Variants in UBA6 observed in about 807,000 individuals in gnomAD.
UBA6 encodes the protein ubiquitin-like modifier-activating enzyme 6.
UBA6 carries 87 observed loss-of-function variants against 148.3 expected under a neutral mutation model. The ratio of observed to expected loss-of-function variants is 0.59; its 90% CI spans 0.49 to 0.70. The LOEUF (loss-of-function observed/expected upper bound fraction) is 0.70. Ranked by LOEUF, UBA6 falls within the 30% of genes least tolerant of loss-of-function variation. The pLI, the probability that UBA6 is intolerant of heterozygous loss-of-function variation, is 0.00. For synonymous variants in UBA6, 376 were observed against 401.0 expected (o/e 0.94, Z 0.75); for missense variants, 1,186 against 1,241.2 (o/e 0.96, Z 0.67).
At chr4:67,693,317 T>C (rs1730739704) in intron 2 of UBA6, among the ~76,000 whole-genome samples, 1 of 149,672 alleles carries the variant, frequency 6.7e-6, no homozygotes. Context: ...GCTTACTTTA[T>C]TCTAAGAATA....
At position 67,663,865 on chromosome 4, in the gene UBA6, C is replaced by A; in HGVS notation, c.960+20G>T. 1 of 1,609,460 alleles carries A rather than the reference C, an allele frequency of 6.2e-7. No homozygotes were observed. Among genetic ancestry groups the A allele is most frequent in the Non-Finnish European group, 8.5e-7 (1 of 1,176,016 alleles). On this transcript the variant is annotated intron_variant, in intron 11 of 32. Coordinates refer to ENST00000322244, the MANE Select transcript of UBA6 (RefSeq NM_018227.6). ...CTCTGATTCTGCTGCCTCTCTCAAA[C>A]CTGCAAAGTGTTTATTTACCTCAGG...
At chr4:67,687,087 C>A (rs1730589973) in intron 2 of UBA6, among the ~76,000 whole-genome samples, 1 of 128,022 alleles carries the variant, frequency 7.8e-6, no homozygotes, top group Admixed American at 8.7e-5. Flanking sequence ...CCAGGCTGGA[C>A]TGCAGTGGTG....
At chr4:67,637,426 T>C (rs868631213) in intron 19 of UBA6, among the ~76,000 whole-genome samples, 43 of 151,628 alleles carry the variant, frequency 2.8e-4, no homozygotes, top group African/African-American at 9.4e-4. Flanking sequence ...CCACCCCGTC[T>C]GGGAGGTGTA....
chr4:67,630,553 T>C lies in UBA6; in HGVS notation c.2259-18A>G. ...TGAGGTGCCTTTTGAAATTAAAAAA[T>C]AAAGCAAAATTTGAATGTACAGTTT... is the stretch of plus-strand genomic sequence containing the variant. On this transcript the variant is annotated intron_variant, in intron 25 of 32. Coordinates refer to ENST00000322244, the MANE Select transcript of UBA6 (RefSeq NM_018227.6). 1.3e-6 allele frequency: 2 copies of C among 1,532,714 alleles called. No homozygotes were observed. Among genetic ancestry groups the C allele is most frequent in the Admixed American group, 2.0e-5 (1 of 51,138 alleles). The allele number at this position is 1,532,714 out of a possible 1,614,324, so 94.9% of individuals were successfully genotyped here.
chr4:67,647,469 G>C (rs780261058), intron 14 of UBA6, among the ~76,000 whole-genome samples: 24 of 151,894 alleles, frequency 1.6e-4, no homozygotes, highest in Non-Finnish European at 2.9e-4. Flanking sequence ...TTTTTGAGAA[G>C]AAAGTACCTA....
chr4:67,631,665 A>G (rs1441088603), intron 25 of UBA6, 43 bp downstream of exon 25: 1 of 1,425,388 alleles, frequency 7.0e-7, no homozygotes. Flanking sequence ...ACAGTAAAGA[A>G]ATATATAATG....
chr4:67,682,024 T>C, intron 3 of UBA6, 95 bp downstream of exon 3: 1 of 899,992 alleles, frequency 1.1e-6, no homozygotes, highest in Non-Finnish European at 1.8e-6. Context: ...GGATCTAACT[T>C]CCTTTATAGG....
intron 13 of UBA6, among the ~76,000 whole-genome samples, chr4:67,658,305 T>C (rs961195365): frequency 1.3e-5 from 2 of 152,114 alleles, no homozygotes; most frequent in Non-Finnish European, 2.9e-5. Context: ...GGTAGGTATA[T>C]AAGAGAAACA....
chr4:67,650,797 A>G (rs1729537086), intron 13 of UBA6, among the ~76,000 whole-genome samples: 1 of 152,208 alleles, frequency 6.6e-6, no homozygotes, highest in African/African-American at 2.4e-5. Context: ...GATGAGAGGT[A>G]TAAAACTGGT....
Position 67,635,544 on chromosome 4 carries a change from T to A in UBA6, c.1751A>T (p.Asn584Ile). 6.2e-7 allele frequency: 1 copy of A among 1,611,172 alleles called. No individual in the cohort carries two copies. The highest frequency in any genetic ancestry group is 8.5e-7 in the Non-Finnish European group (1 of 1,177,674). ...TCCAGAATCTAAAAGAGGCCTTAGA[T>A]TTGCTAAGCAACGACTATTTGAAAA... is the stretch of plus-strand genomic sequence containing the variant. ...RRYVDSRCLA[N>I]LRPLLDSGTM... The change falls in exon 20 of 33, where the codon AAT (asparagine) becomes ATT (isoleucine). Residue 584 changes from asparagine to isoleucine, a missense_variant. Asn to Ile is a moderately radical substitution (Grantham distance 149). Transcript: ENST00000322244.
chr4:67,655,686 G>C (rs1729672576), intron 13 of UBA6, among the ~76,000 whole-genome samples: 1 of 152,072 alleles, frequency 6.6e-6, no homozygotes, highest in Admixed American at 6.6e-5. Context: ...AAACAACTAA[G>C]ATCAGAGGAG....
chr4:67,700,736 C>G (rs922841815), intron 1 of UBA6, among the ~76,000 whole-genome samples: 5 of 152,132 alleles, frequency 3.3e-5, no homozygotes, highest in African/African-American at 1.2e-4. Context: ...GTGACCGAGA[C>G]CAGAACTCGC....
rs751109107 is a variant in UBA6 at position 67,696,662 on chromosome 4, G to A, written c.117C>T (p.Ile39=). ...LPIMSTASVE[I]DDALYSRQRY... ...ATTCTTACCTATACAATGCATCATC[G>A]ATTTCCACAGATGCTGTTGACATAA... Residue 39 remains isoleucine, a synonymous_variant, in exon 2 of 33, where the codon ATC becomes ATT. Transcript: ENST00000322244. The A allele has an allele frequency of 6.2e-6, 10 of 1,605,388 alleles. No individual in the cohort carries two copies. Among genetic ancestry groups the A allele is most frequent in the South Asian group, 1.1e-5 (1 of 89,074 alleles).
chr4:67,647,474 T>A (rs1364159223), intron 14 of UBA6, among the ~76,000 whole-genome samples: 2 of 152,064 alleles, frequency 1.3e-5, no homozygotes, highest in Non-Finnish European at 2.9e-5. Context: ...GAGAAGAAAG[T>A]ACCTACTCTG....
At chr4:67,643,843 T>C (rs1729361686) in intron 17 of UBA6, among the ~76,000 whole-genome samples, 1 of 152,116 alleles carries the variant, frequency 6.6e-6, no homozygotes, top group Admixed American at 6.5e-5. Context: ...CATCATGAAT[T>C]TCCAAGGAGT....
At chr4:67,637,410 C>T (rs559550821) in intron 19 of UBA6, among the ~76,000 whole-genome samples, 109 of 152,136 alleles carry the variant, frequency 7.2e-4, no homozygotes, top group African/African-American at 2.5e-3. Flanking sequence ...CCCCTCTGCC[C>T]GGCTGCCACC....
rs1308068235 is a variant in UBA6, at chr4:67,618,804, T to A, written c.*193A>T. On this transcript the variant is annotated 3_prime_UTR_variant, in exon 33 of 33. Coordinates refer to ENST00000322244, the MANE Select transcript of UBA6 (RefSeq NM_018227.6). ...TGTGATCATAGCCACGTGTGAACCG[T>A]TAGACAAGTGTATGCTATGCCCCAA... The A allele has an allele frequency of 7.8e-6, 4 of 513,918 alleles. No individual in the cohort carries two copies. In the South Asian group the frequency reaches 1.4e-4, roughly 18 times the overall value. The allele number at this position is 513,918 out of a possible 1,614,324, so 31.8% of individuals were successfully genotyped here. A position where few individuals can be genotyped will look rare whatever the true frequency, so the allele number is the denominator to read the frequency against.
In UBA6 at chr4:67,701,138, C is replaced by G; in HGVS notation, c.-19G>C. ...CTTCCATTGCCGCCTGAGACACCGC[C>G]GCCGGCTACTGGAAGGTAGGAAGGG... On this transcript the variant is annotated 5_prime_UTR_variant, in exon 1 of 33. Transcript: ENST00000322244. 1 of 1,610,804 alleles carries G rather than the reference C, an allele frequency of 6.2e-7. No individual in the cohort carries two copies. Among genetic ancestry groups the G allele is most frequent in the Non-Finnish European group, 8.5e-7 (1 of 1,179,634 alleles).
intron 14 of UBA6, 51 bp from the exon 15 acceptor site, chr4:67,646,842 A>G: frequency 1.6e-6 from 2 of 1,217,276 alleles, no homozygotes; most frequent in South Asian, 1.8e-5. Flanking sequence ...ACAAATTACT[A>G]TAAAAAGAAG....
Sources: allele counts gnomAD v4.1 joint callset (sites outside exome capture counted in the v4.1 genomes callset), GRCh38; gene constraint gnomAD v4.1.1; transcripts MANE v1.5; gene names NCBI Gene and HGNC (gene_info 2026-07-23, HGNC 2026-07-21).